The following TEX29 variants were observed in gnomAD, a reference collection of about 807,000 sequenced individuals.
The protein encoded by TEX29 is testis expressed 29, also known as testis-expressed protein 29.
TEX29 carries 26 observed loss-of-function variants against 18.2 expected under a neutral mutation model. That is an observed-to-expected ratio of 1.43 (90% CI 1.04 to 1.98). The LOEUF (loss-of-function observed/expected upper bound fraction) is 1.98. Ranked by LOEUF, TEX29 falls within the 30% of genes most tolerant of loss-of-function variation. The pLI is 0.00. For missense variants in TEX29, 177 were observed against 194.2 expected, an observed-to-expected ratio of 0.91 and a Z score of 0.53; for synonymous variants, 83 against 78.5, an observed-to-expected ratio of 1.06 and a Z score of -0.31.
intron 3 of TEX29, among the ~76,000 whole-genome samples, chr13:111,328,833 A>G (rs1006985734): frequency 3.9e-5 from 6 of 152,084 alleles, no homozygotes; most frequent in Non-Finnish European, 5.9e-5. Flanking sequence ...GGGTGAAGTG[A>G]GGACAACAGG....
chr13:111,344,029 G>C (rs1268364396), intron 5 of TEX29, 54 bp from the exon 6 acceptor site: 8 of 1,433,950 alleles, frequency 5.6e-6, no homozygotes, highest in Non-Finnish European at 7.8e-6. Context: ...AAATCTTTTC[G>C]GGACTGCTGA....
chr13:111,335,544 G>A (rs929102081), intron 3 of TEX29, among the ~76,000 whole-genome samples: 5 of 152,206 alleles, frequency 3.3e-5, no homozygotes, highest in Admixed American at 6.5e-5. Flanking sequence ...TGCTGCTCAC[G>A]TTGCACATGC....
intron 3 of TEX29, among the ~76,000 whole-genome samples, chr13:111,330,858 G>A (rs1288328463): frequency 2.0e-5 from 3 of 152,176 alleles, no homozygotes; most frequent in East Asian, 1.9e-4. Flanking sequence ...AGGTTCGTTC[G>A]TGTTGTAGTA....
chr13:111,318,652 C>G (rs1231999578), upstream of TEX29, among the ~76,000 whole-genome samples: 2 of 152,196 alleles, frequency 1.3e-5, no homozygotes, highest in African/African-American at 2.4e-5. Context: ...TCATTGATGA[C>G]GTGGTTCTCC....
chr13:111,328,263 G>T lies in TEX29; in HGVS notation c.139G>T (p.Glu47Ter). Residue 47 changes from glutamate to a stop codon, truncating the protein, a stop_gained, in exon 3 of 6, where the codon GAA becomes TAA. Coordinates refer to ENST00000283547, the MANE Select transcript of TEX29 (RefSeq NM_152324.3). LOFTEE classifies it high-confidence loss of function. ...RCQELGCCFY[E>*]GVCYKKAVPI... The stretch of plus-strand genomic sequence containing the variant: ...CCAGGAGCTCGGGTGCTGCTTCTAC[G>T]AAGGCGTCTGCTACAAGAAAGCGGT... 6.2e-7 allele frequency: 1 copy of T among 1,613,826 alleles called. No homozygotes were observed. Among genetic ancestry groups the T allele is most frequent in the Non-Finnish European group, 8.5e-7 (1 of 1,179,972 alleles).
intron 3 of TEX29, among the ~76,000 whole-genome samples, chr13:111,334,422 G>C (rs1414272657): frequency 6.6e-6 from 1 of 152,218 alleles, no homozygotes; most frequent in Admixed American, 6.5e-5. Flanking sequence ...TGCGTGCTGA[G>C]GCACACCTTC....
At chr13:111,326,891 A>C (rs185506719) in intron 2 of TEX29, among the ~76,000 whole-genome samples, 1 of 152,288 alleles carries the variant, frequency 6.6e-6, no homozygotes, top group East Asian at 1.9e-4. Flanking sequence ...TGGTGCCTGG[A>C]TGCCCTGGGA....
At chr13:111,324,253 C>T (rs1306257516) in intron 2 of TEX29, among the ~76,000 whole-genome samples, 4 of 152,190 alleles carry the variant, frequency 2.6e-5, no homozygotes, top group Non-Finnish European at 4.4e-5. Flanking sequence ...CTGTCCGTGG[C>T]CACGCTGCCA....
chr13:111,339,434 C>T (rs80117410), intron 3 of TEX29: 13 of 441,602 alleles, frequency 2.9e-5, no homozygotes, highest in East Asian at 1.4e-4. Context: ...CACACACTCC[C>T]GAGGGTCAGG....
chr13:111,329,354 C>A (rs905176141), intron 3 of TEX29, among the ~76,000 whole-genome samples: 1 of 152,014 alleles, frequency 6.6e-6, no homozygotes, highest in African/African-American at 2.4e-5. Flanking sequence ...CTTTTCTCCA[C>A]CCCCACCACC....
At chr13:111,317,465 G>A (rs997332510), upstream of TEX29, among the ~76,000 whole-genome samples, 1 of 152,198 alleles carries the variant, frequency 6.6e-6, no homozygotes, top group African/African-American at 2.4e-5. Flanking sequence ...AGGCTCTGGT[G>A]TGTCCCCAGG....
Position 111,339,898 on chromosome 13 carries a change from A to G in TEX29, c.205A>G (p.Ile69Val), listed in dbSNP as rs370394852. ...IHVFSALIVI[I>V]AGAFVITIIY... ...CGTGTTCTCTGCCTTGATTGTGATC[A>G]TCGCTGGGGCCTTCGTCATCACCAT... Residue 69 changes from isoleucine (I) to valine (V), a missense_variant, in exon 4 of 6, where the codon ATC becomes GTC. Ile to Val is a conservative substitution (Grantham distance 29). Coordinates refer to ENST00000283547, the MANE Select transcript of TEX29 (RefSeq NM_152324.3). The G allele has an allele frequency of 8.7e-6, 14 of 1,607,374 alleles. No homozygotes were observed. The highest frequency in any genetic ancestry group is 6.7e-5 in the East Asian group (3 of 44,880).
At chr13:111,339,497 C>G in intron 3 of TEX29, 1 of 408,476 alleles carries the variant, frequency 2.4e-6, no homozygotes, top group Non-Finnish European at 4.7e-6. Flanking sequence ...AGCGCCGTCT[C>G]TCAATGCACC....
upstream of TEX29, among the ~76,000 whole-genome samples, chr13:111,318,460 G>A (rs983255260): frequency 2.6e-5 from 4 of 152,174 alleles, no homozygotes; most frequent in Admixed American, 6.5e-5. Context: ...GTGGCCTGCT[G>A]GGTTTCACTC....
Position 111,342,913 on chromosome 13 carries a change from G to A in TEX29, c.397G>A (p.Asp133Asn). 1 of 1,614,190 alleles carries A rather than the reference G, an allele frequency of 6.2e-7. No homozygotes were observed. The highest frequency in any genetic ancestry group is 8.5e-7 in the Non-Finnish European group (1 of 1,180,038). ...PPSAGPSMKS[D>N]EDKDDVTGTI... ...AAGTGCTGGGCCCTCGATGAAGAGT[G>A]ACGAGGATAAGGATGATGGTGAGAA... The change falls in exon 5 of 6, where the codon GAC becomes AAC. Residue 133 changes from aspartate to asparagine, a missense_variant. Asp to Asn is a conservative substitution (Grantham distance 23, BLOSUM62 1). Coordinates refer to ENST00000283547, the MANE Select transcript of TEX29 (RefSeq NM_152324.3).
chr13:111,341,766 C>A (rs915197097), intron 4 of TEX29, among the ~76,000 whole-genome samples: 78 of 147,126 alleles, frequency 5.3e-4, no homozygotes, highest in Middle Eastern at 3.5e-3. Context: ...TGTTGATGAA[C>A]ATCATAACCC....
At position 111,320,925 on chromosome 13, in the gene TEX29, G is replaced by A. The variant is rs375623238; in HGVS notation, c.35G>A (p.Arg12Gln). 35 of 1,405,990 alleles carry A rather than the reference G, an allele frequency of 2.5e-5. No homozygotes were observed. Among genetic ancestry groups the A allele is most frequent in the Non-Finnish European group, 2.9e-5 (31 of 1,051,508 alleles). The allele number at this position is 1,405,990 out of a possible 1,614,324, so 87.1% of individuals were successfully genotyped here. The change falls in exon 2 of 6, where the codon CGG becomes CAG. Residue 12 changes from arginine to glutamine, a missense_variant. By Grantham distance (43) the Arg-to-Gln change is conservative. Coordinates refer to ENST00000283547, the MANE Select transcript of TEX29 (RefSeq NM_152324.3). The stretch of plus-strand genomic sequence containing the variant: ...GTGCTGGAAGTGAAGAACTCTCCGC[G>A]GCACCTCCTGAAGCAATTCACAGGT... The part of the protein sequence containing the change: ...EYVLEVKNSP[R>Q]HLLKQFTVCD...
At chr13:111,329,059 C>T (rs1316009900) in intron 3 of TEX29, among the ~76,000 whole-genome samples, 1 of 152,226 alleles carries the variant, frequency 6.6e-6, no homozygotes, top group Admixed American at 6.5e-5. Flanking sequence ...CACTGGCCTG[C>T]GCCGCTGAGG....
chr13:111,320,838 G>A lies in TEX29; in HGVS notation c.-34-19G>A. On this transcript the variant is annotated intron_variant, in intron 1 of 5. Transcript: ENST00000283547. ...ACGTCCCCAGGGCCCCGCCCGTGCT[G>A]ACCTCTCCTGTTTTCCAGGTGTGCT... 1 of 1,612,538 alleles carries A rather than the reference G, an allele frequency of 6.2e-7. No homozygotes were observed. Among genetic ancestry groups the A allele is most frequent in the Non-Finnish European group, 8.5e-7 (1 of 1,179,012 alleles).
Sources: allele counts gnomAD v4.1 joint callset (sites outside exome capture counted in the v4.1 genomes callset), GRCh38; gene constraint gnomAD v4.1.1; transcripts MANE v1.5; gene names NCBI Gene and HGNC (gene_info 2026-07-23, HGNC 2026-07-21).